The following POLA1 variants were observed in gnomAD, a reference collection of about 807,000 sequenced individuals.
The protein encoded by POLA1 is DNA polymerase alpha catalytic subunit.
In POLA1, 15 loss-of-function variants were observed where a neutral mutation model predicts 124.0. The ratio of observed to expected loss-of-function variants is 0.12; its 90% CI spans 0.08 to 0.19. The LOEUF (loss-of-function observed/expected upper bound fraction) is 0.19. Among genes scored for constraint, POLA1 ranks in the 10% least tolerant of loss-of-function variants. The pLI is 1.00. For synonymous variants in POLA1, 408 were observed against 389.4 expected (o/e 1.05, Z -0.56); for missense variants, 886 against 1,103.4 (o/e 0.80, Z 2.79).
At chrX:24,860,836 A>G (rs1454371535) in intron 34 of POLA1, among the ~76,000 whole-genome samples, 1 of 112,233 alleles carries the variant, frequency 8.9e-6, no homozygotes, top group Non-Finnish European at 1.9e-5. Context: ...ACAAACCAAA[A>G]AGAAATCACC....
intron 36 of POLA1, among the ~76,000 whole-genome samples, chrX:24,956,780 A>G (rs1394268591): frequency 8.9e-6 from 1 of 112,398 alleles, no homozygotes. Context: ...ATAAAAATTC[A>G]AGACTCTACT....
At chrX:24,904,823 G>C (rs1341873567) in intron 35 of POLA1, among the ~76,000 whole-genome samples, 2 of 110,971 alleles carry the variant, frequency 1.8e-5, no homozygotes, top group African/African-American at 6.6e-5. Flanking sequence ...TCAGGAGTTC[G>C]AGACCAGCCT....
chrX:24,969,774 G>T (rs1404343465), intron 36 of POLA1, among the ~76,000 whole-genome samples: 1 of 110,722 alleles, frequency 9.0e-6, no homozygotes, highest in Non-Finnish European at 1.9e-5. Flanking sequence ...TAAGCCCAGG[G>T]TCCATTAGCT....
intron 36 of POLA1, among the ~76,000 whole-genome samples, chrX:24,943,443 C>G (rs1047238849): frequency 6.2e-5 from 7 of 112,288 alleles, no homozygotes; most frequent in African/African-American, 1.6e-4. Context: ...ACATGTAAGA[C>G]CTGTTTATGA....
chrX:24,707,637 G>C (rs144518959), intron 4 of POLA1, among the ~76,000 whole-genome samples: 74 of 112,453 alleles, frequency 6.6e-4, no homozygotes, highest in African/African-American at 2.3e-3. Flanking sequence ...AAATTACTAA[G>C]TTTTGCTTAG....
rs1239929884 is a variant in POLA1, at chrX:24,710,984, TTTTC to T, written c.347-3562_347-3559del. ...GGCATGTATATGTATTTTTATTTCC[TTTTC>T]TTTCTTTTTTCTGAGACAGATTCTT... On this transcript the variant is annotated intron_variant, in intron 4 of 36. Transcript: ENST00000379068. 5.4e-5 allele frequency among the ~76,000 whole-genome samples: 6 copies of T among 110,838 alleles called. No individual in the cohort carries two copies. In the East Asian group the frequency reaches 1.4e-3, roughly 26 times the overall value.
chrX:24,989,782 C>T (rs927498193), intron 36 of POLA1, among the ~76,000 whole-genome samples: 2 of 111,263 alleles, frequency 1.8e-5, no homozygotes, highest in African/African-American at 6.6e-5. Context: ...AACATGTTTT[C>T]TGCTGGGGTA....
chrX:24,754,019 C>G (rs747320976), intron 26 of POLA1, among the ~76,000 whole-genome samples: 128 of 111,321 alleles, frequency 1.1e-3, no homozygotes, highest in Non-Finnish European at 2.0e-3. Context: ...TTAATGCAAA[C>G]ATTACAATCT....
At chrX:24,951,871 G>T (rs983362000) in intron 36 of POLA1, among the ~76,000 whole-genome samples, 1 of 111,602 alleles carries the variant, frequency 9.0e-6, no homozygotes. Context: ...GAAATGTGGG[G>T]ATTTGAATCT....
At chrX:24,944,714 G>A (rs1333897944) in intron 36 of POLA1, among the ~76,000 whole-genome samples, 2 of 111,804 alleles carry the variant, frequency 1.8e-5, no homozygotes, top group Admixed American at 1.9e-4. Context: ...GAATAGAAAT[G>A]AAGGGATCGA....
chrX:24,922,759 T>A (rs902898198), intron 35 of POLA1, among the ~76,000 whole-genome samples: 1 of 111,626 alleles, frequency 9.0e-6, no homozygotes, highest in Admixed American at 9.5e-5. Context: ...AATCTGAACT[T>A]GGCCCACTAT....
chrX:24,749,335 T>C (rs1489405420), intron 26 of POLA1, among the ~76,000 whole-genome samples: 1 of 108,891 alleles, frequency 9.2e-6, no homozygotes, highest in Non-Finnish European at 1.9e-5. Flanking sequence ...GAATGTGGGG[T>C]GGTGAGAGGG....
At chrX:24,844,205 A>G (rs975488269) in intron 34 of POLA1, among the ~76,000 whole-genome samples, 1 of 111,992 alleles carries the variant, frequency 8.9e-6, no homozygotes, top group Non-Finnish European at 1.9e-5. Context: ...TCTGGCATTC[A>G]AAAGAGAATA....
At chrX:24,771,297 A>C (rs1240811540) in intron 26 of POLA1, among the ~76,000 whole-genome samples, 1 of 111,646 alleles carries the variant, frequency 9.0e-6, no homozygotes, top group South Asian at 3.8e-4. Flanking sequence ...TAGGAATTGT[A>C]GGGAGGACAT....
At chrX:24,711,400 T>G (rs1038682250) in intron 4 of POLA1, among the ~76,000 whole-genome samples, 1 of 112,642 alleles carries the variant, frequency 8.9e-6, no homozygotes, top group Non-Finnish European at 1.9e-5. Context: ...TGTTTTTAAT[T>G]ATTTATTTCT....
intron 36 of POLA1, among the ~76,000 whole-genome samples, chrX:24,978,485 T>C (rs2147284839): frequency 8.9e-6 from 1 of 112,281 alleles, no homozygotes; most frequent in South Asian, 3.8e-4. Flanking sequence ...CAGTTCAAAC[T>C]GTAAAAGAAT....
At chrX:24,712,583 G>A (rs1191595735) in intron 4 of POLA1, among the ~76,000 whole-genome samples, 4 of 111,110 alleles carry the variant, frequency 3.6e-5, no homozygotes, top group Non-Finnish European at 7.6e-5. Context: ...TTTTAACTTG[G>A]TTTTCTTTTT....
At chrX:24,737,159 T>G (rs757603344) in intron 18 of POLA1, among the ~76,000 whole-genome samples, 4 of 112,046 alleles carry the variant, frequency 3.6e-5, no homozygotes, top group African/African-American at 1.3e-4. Context: ...TGAACTCAAT[T>G]TTTAAAAAGA....
Position 24,925,740 on chromosome X carries a change from CGTTT to C in POLA1, c.4165-4688_4165-4685del, listed in dbSNP as rs550764725. 4.0e-4 allele frequency among the ~76,000 whole-genome samples: 45 copies of C among 111,195 alleles called. No individual in the cohort carries two copies. The South Asian group carries it at 5.8e-3, about 14-fold the overall frequency. On this transcript the variant is annotated intron_variant, in intron 35 of 36. Transcript: ENST00000379068. Reference sequence around the variant, plus strand: ...AGGAATATTCACAGTAGCATCATTCCGTTTGTTTGTTTGTTTGTTTGTTTGTTTT... The same window carrying C: ...AGGAATATTCACAGTAGCATCATTCCGTTTGTTTGTTTGTTTGTTTGTTTT...
Sources: gnomAD v4.1 joint callset for allele counts (sites outside exome capture counted in the v4.1 genomes callset) on GRCh38, gnomAD v4.1.1 for gene constraint, MANE v1.5 for transcripts, NCBI Gene and HGNC (gene_info 2026-07-23, HGNC 2026-07-21) for gene names.